AGBL1: variants seen among roughly 807,000 people sequenced by gnomAD.
AGBL1 encodes AGBL carboxypeptidase 1.
In AGBL1, 130 loss-of-function variants were observed where a neutral mutation model predicts 118.9. The ratio of observed to expected loss-of-function variants is 1.09; its 90% CI spans 0.95 to 1.26. The LOEUF is 1.26. AGBL1 is among the 50% of genes most tolerant of loss of function. The probability of loss-of-function intolerance (pLI) is 0.00; values close to 1 mark genes in which losing one functional copy is unlikely to be tolerated. For synonymous variants in AGBL1, 555 were observed against 478.9 expected, an observed-to-expected ratio of 1.16 and a Z score of -2.08; for missense variants, 1,584 against 1,298.1, an observed-to-expected ratio of 1.22 and a Z score of -3.38.
In AGBL1 at chr15:86,801,935, G is replaced by A. The variant is rs115903276; in HGVS notation, c.3159-105152G>A. On this transcript the variant is annotated intron_variant, in intron 22 of 22. Coordinates refer to ENST00000614907, the MANE Select transcript of AGBL1 (RefSeq NM_001386094.1). ...AATCTGGTCAGTTTATGCTAAAGAT[G>A]AGAAATGATCAAGCCCTGACAACAA... 3.2e-3 allele frequency among the ~76,000 whole-genome samples: 488 copies of A among 152,270 alleles called. 6 individuals carry two copies. The highest frequency in any genetic ancestry group is 0.011 in the African/African-American group (474 of 41,568).
intron 17 of AGBL1, among the ~76,000 whole-genome samples, chr15:86,324,575 C>G (rs1274537553): frequency 6.6e-6 from 1 of 152,154 alleles, no homozygotes; most frequent in Non-Finnish European, 1.5e-5. Flanking sequence ...GTACCAGGGA[C>G]TAAAATATTT....
chr15:87,022,800 A>G lies in AGBL1; in HGVS notation c.3324-6025A>G, dbSNP rs181142921. Among the ~76,000 whole-genome samples, 4 of 152,172 alleles carry G rather than the reference A, an allele frequency of 2.6e-5. No homozygotes were observed. In the East Asian group the frequency reaches 5.8e-4, roughly 22 times the overall value. ...ACAAGCTAGAAGGGATTGGGGCCCT[A>G]TTTTCAGCTTCCTCAAACAAAACAA... On this transcript the variant is annotated intron_variant, in intron 24 of 24. Transcript: ENST00000441037.
At chr15:87,001,294 C>A (rs2081434829) in intron 24 of AGBL1, among the ~76,000 whole-genome samples, 1 of 151,840 alleles carries the variant, frequency 6.6e-6, no homozygotes, top group Non-Finnish European at 1.5e-5. Context: ...AGAGGGCATC[C>A]CTGTCTTGTG....
chr15:86,475,005 C>T (rs2082536713), intron 18 of AGBL1, among the ~76,000 whole-genome samples: 1 of 152,208 alleles, frequency 6.6e-6, no homozygotes, highest in Non-Finnish European at 1.5e-5. Context: ...AGACCTGCAG[C>T]TGAGGGTCCT....
chr15:86,890,526 G>A (rs2080038619), intron 22 of AGBL1, among the ~76,000 whole-genome samples: 1 of 152,026 alleles, frequency 6.6e-6, no homozygotes, highest in African/African-American at 2.4e-5. Context: ...TATAGTTTTG[G>A]GATTTACATT....
At chr15:86,481,784 T>G (rs1172029085) in intron 18 of AGBL1, among the ~76,000 whole-genome samples, 1 of 152,130 alleles carries the variant, frequency 6.6e-6, no homozygotes, top group Non-Finnish European at 1.5e-5. Context: ...TAGACAGAAC[T>G]TTGGCGGTCA....
chr15:86,638,230 A>T (rs1347118548), intron 21 of AGBL1, among the ~76,000 whole-genome samples: 1 of 152,212 alleles, frequency 6.6e-6, no homozygotes, highest in Non-Finnish European at 1.5e-5. Flanking sequence ...GCAATACAAC[A>T]GTTGGTATCA....
downstream of AGBL1, among the ~76,000 whole-genome samples, chr15:86,917,262 A>C (rs1173819443): frequency 2.0e-5 from 3 of 152,138 alleles, no homozygotes; most frequent in African/African-American, 7.2e-5. The surrounding 1 kb of genome is among the most constrained non-coding windows in gnomAD (Gnocchi z 4.8). Context: ...TTGGTTGTTC[A>C]GAGAGAGTTC....
intron 23 of AGBL1, among the ~76,000 whole-genome samples, chr15:86,986,115 G>A (rs1372869008): frequency 1.3e-5 from 2 of 152,044 alleles, no homozygotes; most frequent in East Asian, 3.9e-4. Context: ...GTAGAGACGG[G>A]GTTTCGCCAC....
At chr15:86,864,798 C>T (rs754888136) in intron 22 of AGBL1, among the ~76,000 whole-genome samples, 23 of 152,162 alleles carry the variant, frequency 1.5e-4, no homozygotes, top group African/African-American at 3.1e-4. Context: ...GCACAATCAA[C>T]GGTGCAGCAA....
At position 86,367,680 on chromosome 15, in the gene AGBL1, T is replaced by C. The variant is rs8030064; in HGVS notation, c.2375-29686T>C. ...AAACTAAGATATGTAATCCGTAGTA[T>C]GTGAAGCTCAGCTGCCTCCTCCCAT... On this transcript the variant is annotated intron_variant, in intron 17 of 22. Coordinates refer to ENST00000614907, the MANE Select transcript of AGBL1 (RefSeq NM_001386094.1). 5.0e-3 allele frequency among the ~76,000 whole-genome samples: 762 copies of C among 152,240 alleles called. 5 individuals carry two copies. The highest frequency in any genetic ancestry group is 0.013 in the African/African-American group (560 of 41,544).
intron 18 of AGBL1, among the ~76,000 whole-genome samples, chr15:86,464,621 C>G (rs1344488226): frequency 6.6e-6 from 1 of 152,040 alleles, no homozygotes; most frequent in African/African-American, 2.4e-5. Context: ...TCCATCAATA[C>G]CTAGTTTATT....
At chr15:86,514,549 G>T (rs2083094531) in intron 18 of AGBL1, among the ~76,000 whole-genome samples, 1 of 151,982 alleles carries the variant, frequency 6.6e-6, no homozygotes, top group Non-Finnish European at 1.5e-5. Context: ...ACCCATTTGG[G>T]TTTTCTCCAT....
At chr15:86,269,785 T>C (rs1282216263) in intron 13 of AGBL1, 134 bp from the exon 14 acceptor site, 2 of 1,039,976 alleles carry the variant, frequency 1.9e-6, no homozygotes, top group Admixed American at 2.9e-5. Flanking sequence ...GGATGATAAG[T>C]ATAACTTACC....
chr15:86,516,885 A>G (rs539235633), intron 18 of AGBL1, among the ~76,000 whole-genome samples: 105 of 152,038 alleles, frequency 6.9e-4, no homozygotes, highest in African/African-American at 2.5e-3. Flanking sequence ...ATTTGCAGCT[A>G]ATCTGGCTCA....
At chr15:86,858,344 A>G (rs141870194) in intron 22 of AGBL1, among the ~76,000 whole-genome samples, 115 of 152,328 alleles carry the variant, frequency 7.5e-4, no homozygotes, top group Middle Eastern at 3.4e-3. Context: ...CTGGGAGTTT[A>G]CCAGCCCAAA....
chr15:86,375,786 T>C (rs1272961007), intron 17 of AGBL1, among the ~76,000 whole-genome samples: 1 of 152,210 alleles, frequency 6.6e-6, no homozygotes, highest in Admixed American at 6.5e-5. Flanking sequence ...TATAGTTTAC[T>C]GAGTTTTGGC....
intron 1 of AGBL1, among the ~76,000 whole-genome samples, chr15:86,081,786 GA>G (rs1245870265): frequency 2.0e-5 from 3 of 152,158 alleles, no homozygotes; most frequent in Non-Finnish European, 4.4e-5. Flanking sequence ...AGCTGTCTAG[GA>G]AAGAGGGAAA....
chr15:86,752,543 C>A (rs2077870808), intron 22 of AGBL1, among the ~76,000 whole-genome samples: 1 of 152,072 alleles, frequency 6.6e-6, no homozygotes, highest in Non-Finnish European at 1.5e-5. Flanking sequence ...TTCCCAGATC[C>A]ATGCTTTAGG....
Sources: allele counts gnomAD v4.1 joint callset (sites outside exome capture counted in the v4.1 genomes callset), GRCh38; gene constraint gnomAD v4.1.1; non-coding constraint Gnocchi (gnomAD v3.1); transcripts MANE v1.5; gene names NCBI Gene and HGNC (gene_info 2026-07-23, HGNC 2026-07-21).